DOCK7: variants seen among roughly 807,000 people sequenced by gnomAD.
The protein encoded by DOCK7 is dedicator of cytokinesis 7.
A neutral mutation model predicts 271.0 loss-of-function variants in DOCK7; 138 were observed. The ratio of observed to expected loss-of-function variants is 0.51; its 90% CI spans 0.44 to 0.59. The LOEUF (loss-of-function observed/expected upper bound fraction) is 0.59. DOCK7 is among the 20% of genes least tolerant of loss of function. The pLI is 0.00. For synonymous variants in DOCK7, 823 were observed against 876.1 expected (o/e 0.94, Z 1.07); for missense variants, 2,066 against 2,592.4 (o/e 0.80, Z 4.41).
chr1:62,566,388 C>T (rs746071913), intron 18 of DOCK7, among the ~76,000 whole-genome samples: 11 of 152,090 alleles, frequency 7.2e-5, no homozygotes, highest in African/African-American at 1.7e-4. Flanking sequence ...TCAGAAATAA[C>T]GCCACACATC....
chr1:62,525,157 C>G (rs1272467386), intron 31 of DOCK7, among the ~76,000 whole-genome samples: 4 of 151,114 alleles, frequency 2.6e-5, no homozygotes, highest in African/African-American at 4.9e-5. Context: ...AGGCGCCCAC[C>G]ACCATGTCTG....
intron 31 of DOCK7, among the ~76,000 whole-genome samples, chr1:62,514,809 C>T: frequency 6.6e-6 from 1 of 152,022 alleles, no homozygotes; most frequent in East Asian, 1.9e-4. Context: ...GAGTAATTTG[C>T]CTTACTATAC....
chr1:62,624,459 T>C (rs1210149929), intron 12 of DOCK7, among the ~76,000 whole-genome samples: 1 of 152,212 alleles, frequency 6.6e-6, no homozygotes, highest in African/African-American at 2.4e-5. Flanking sequence ...ATATCTTTGA[T>C]AGAGAATGTC....
chr1:62,669,813 C>T (rs1212993791), intron 1 of DOCK7, among the ~76,000 whole-genome samples: 1 of 152,268 alleles, frequency 6.6e-6, no homozygotes, highest in Non-Finnish European at 1.5e-5. Context: ...TTCAGTCCCC[C>T]ACTGCACTGT....
At chr1:62,607,401 G>A (rs897775034) in intron 14 of DOCK7, among the ~76,000 whole-genome samples, 3 of 152,130 alleles carry the variant, frequency 2.0e-5, no homozygotes, top group Non-Finnish European at 4.4e-5. Flanking sequence ...TACCTCTTTT[G>A]TATCATAAGC....
chr1:62,539,991 T>A, intron 25 of DOCK7, 99 bp from the exon 26 acceptor site: 1 of 739,294 alleles, frequency 1.4e-6, no homozygotes, highest in Non-Finnish European at 2.0e-6. Context: ...GCATGTAATT[T>A]AATAGATGAC....
intron 48 of DOCK7, among the ~76,000 whole-genome samples, chr1:62,466,688 T>C (rs1444846936): frequency 6.6e-6 from 1 of 152,058 alleles, no homozygotes; most frequent in Non-Finnish European, 1.5e-5. Context: ...TCCAAGTACT[T>C]TGGGAATCCG....
At chr1:62,552,613 T>A in intron 22 of DOCK7, 119 bp downstream of exon 22, 1 of 970,476 alleles carries the variant, frequency 1.0e-6, no homozygotes, top group Non-Finnish European at 1.5e-6. Context: ...AATGTACAAT[T>A]CCTTCCTAAT....
chr1:62,580,694 C>G (rs956989368), intron 16 of DOCK7, among the ~76,000 whole-genome samples: 1 of 151,996 alleles, frequency 6.6e-6, no homozygotes, highest in Non-Finnish European at 1.5e-5. Flanking sequence ...AAACTTCCCT[C>G]AAAAACTAGG....
intron 35 of DOCK7, among the ~76,000 whole-genome samples, chr1:62,506,169 T>C (rs1646930267): frequency 6.6e-6 from 1 of 152,134 alleles, no homozygotes. Flanking sequence ...GAGTGGTGCC[T>C]AGAGCAAAAA....
At position 62,458,033 on chromosome 1, in the gene DOCK7, C is replaced by T. The variant is rs546176583; in HGVS notation, c.6213-328G>A. The T allele has an allele frequency of 2.9e-4, 63 of 218,924 alleles. No individual in the cohort carries two copies. The East Asian group carries it at 6.3e-3, about 22-fold the overall frequency. The allele number at this position is 218,924 out of a possible 1,614,324, so 13.6% of individuals were successfully genotyped here. A position where few individuals can be genotyped will look rare whatever the true frequency, so the allele number is the denominator to read the frequency against. On this transcript the variant is annotated intron_variant, in intron 48 of 49. Transcript: ENST00000635253. ...CAGGCATGGTGGTGCACTCCTGTAG[C>T]CCCAGCTATTCATGAGGCTGAAGTG...
intron 37 of DOCK7, among the ~76,000 whole-genome samples, chr1:62,498,349 C>T (rs1251626551): frequency 6.6e-6 from 1 of 152,128 alleles, no homozygotes; most frequent in Non-Finnish European, 1.5e-5. Flanking sequence ...ATCCATTTAG[C>T]CATCTGATTG....
At chr1:62,602,316 AGATG>A in intron 14 of DOCK7, 2 of 1,610,794 alleles carry the variant, frequency 1.2e-6, no homozygotes, top group Non-Finnish European at 1.7e-6. Flanking sequence ...AACATCGAAT[AGATG>A]GATCACAAAA....
intron 1 of DOCK7, among the ~76,000 whole-genome samples, chr1:62,667,080 T>G (rs1659403295): frequency 6.6e-6 from 1 of 152,154 alleles, no homozygotes; most frequent in African/African-American, 2.4e-5. Flanking sequence ...TCTAACCCAC[T>G]CCTACTTTCA....
At chr1:62,633,923 C>G (rs1654930594) in intron 9 of DOCK7, 1 of 173,542 alleles carries the variant, frequency 5.8e-6, no homozygotes, top group African/African-American at 2.4e-5. Flanking sequence ...TAATGGAAGC[C>G]CAAGCCTGAG....
chr1:62,564,178 G>A (rs1021397658), intron 18 of DOCK7, among the ~76,000 whole-genome samples: 1 of 151,970 alleles, frequency 6.6e-6, no homozygotes, highest in Non-Finnish European at 1.5e-5. Flanking sequence ...AATTAACAAG[G>A]GTATTCAGGA....
intron 15 of DOCK7, chr1:62,584,433 T>A: frequency 1.0e-6 from 1 of 995,564 alleles, no homozygotes; most frequent in Non-Finnish European, 1.2e-6. Context: ...AAACACAGTA[T>A]GTCTATGTTT....
At chr1:62,621,240 T>C (rs1653195286) in intron 12 of DOCK7, among the ~76,000 whole-genome samples, 1 of 152,114 alleles carries the variant, frequency 6.6e-6, no homozygotes, top group African/African-American at 2.4e-5. Context: ...GTCCTCATAC[T>C]AAGGCCAGAA....
rs145718885 is a variant in DOCK7, at chr1:62,619,741, T to C, written c.1519+159A>G. On this transcript the variant is annotated intron_variant, in intron 13 of 49. Coordinates refer to ENST00000635253, the MANE Select transcript of DOCK7 (RefSeq NM_001367561.1). ...TGAATCCTGCATCCAAACTGTCAGA[T>C]CACATGATAGTTAATAAAGTGAAGA... 1.8e-3 allele frequency among the ~76,000 whole-genome samples: 280 copies of C among 151,840 alleles called. 1 individual carries two copies. The highest frequency in any genetic ancestry group is 6.6e-3 in the African/African-American group (272 of 41,366).
Sources: gnomAD v4.1 joint callset for allele counts (sites outside exome capture counted in the v4.1 genomes callset) on GRCh38, gnomAD v4.1.1 for gene constraint, MANE v1.5 for transcripts, NCBI Gene and HGNC (gene_info 2026-07-23, HGNC 2026-07-21) for gene names.